Variants in ASAP2 observed in about 807,000 individuals in gnomAD.
The protein encoded by ASAP2 is ArfGAP with SH3 domain, ankyrin repeat and PH domain 2.
Under a neutral mutation model 131.4 loss-of-function variants are expected in ASAP2, and 45 were observed. The ratio of observed to expected loss-of-function variants is 0.34; its 90% CI spans 0.27 to 0.44. ASAP2 has a LOEUF of 0.44. Among genes scored for constraint, ASAP2 ranks in the 20% least tolerant of loss-of-function variants. ASAP2 has a pLI of 1.00. For synonymous variants in ASAP2, 510 were observed against 503.0 expected (o/e 1.01, Z -0.19); for missense variants, 1,011 against 1,297.0 (o/e 0.78, Z 3.39).
chr2:9,283,018 C>G (rs986624941), intron 2 of ASAP2, among the ~76,000 whole-genome samples: 11 of 152,244 alleles, frequency 7.2e-5, no homozygotes, highest in Non-Finnish European at 1.2e-4. Context: ...TTTCATCAAG[C>G]CTTAGCTCTC....
intron 16 of ASAP2, among the ~76,000 whole-genome samples, chr2:9,369,265 C>T (rs1051413404): frequency 1.7e-4 from 26 of 152,176 alleles, no homozygotes; most frequent in African/African-American, 5.3e-4. Flanking sequence ...GTGATCCACT[C>T]GCTGCAGCCT....
chr2:9,389,375 C>A lies in ASAP2; in HGVS notation c.2383+829C>A, dbSNP rs923373494. On this transcript the variant is annotated intron_variant, in intron 22 of 27. Coordinates refer to ENST00000281419, the MANE Select transcript of ASAP2 (RefSeq NM_003887.3). The surrounding 1 kb of genome is among the most constrained non-coding windows in gnomAD (Gnocchi z 4.7). ...AGTCTGCACAGAGCATGTATCCAGG[C>A]ATTGTGGCCGCTGTGAGCCGCTGAT... Among the ~76,000 whole-genome samples the A allele has an allele frequency of 1.3e-5, 2 of 152,230 alleles. No individual in the cohort carries two copies. The highest frequency in any genetic ancestry group is 2.9e-5 in the Non-Finnish European group (2 of 68,042).
intron 23 of ASAP2, 66 bp downstream of exon 23, chr2:9,391,262 C>G (rs932910970): frequency 3.2e-6 from 5 of 1,550,964 alleles, no homozygotes; most frequent in African/African-American, 1.4e-5. Flanking sequence ...GGGGGGTGCT[C>G]TCTGGAGCCA....
intron 3 of ASAP2, among the ~76,000 whole-genome samples, chr2:9,298,917 T>C (rs928456758): frequency 2.7e-4 from 41 of 152,036 alleles, no homozygotes; most frequent in African/African-American, 7.7e-4. Flanking sequence ...AAGACTGGGA[T>C]GCAGCATGCT....
At chr2:9,301,883 G>A (rs1668503488) in intron 3 of ASAP2, among the ~76,000 whole-genome samples, 1 of 145,526 alleles carries the variant, frequency 6.9e-6, no homozygotes, top group Non-Finnish European at 1.5e-5. Context: ...GAGTGCAGTG[G>A]CACAATCTCA....
intron 11 of ASAP2, among the ~76,000 whole-genome samples, chr2:9,347,575 G>A (rs919688818): frequency 6.6e-6 from 1 of 152,182 alleles, no homozygotes; most frequent in Non-Finnish European, 1.5e-5. Flanking sequence ...CCAGGAAGCT[G>A]GCAGCCTCTG....
intron 3 of ASAP2, among the ~76,000 whole-genome samples, chr2:9,307,289 A>G (rs978886422): frequency 2.0e-5 from 3 of 152,078 alleles, no homozygotes; most frequent in African/African-American, 4.8e-5. Context: ...CAGGAGCCAC[A>G]CTGAGAACCA....
intron 2 of ASAP2, among the ~76,000 whole-genome samples, chr2:9,294,869 G>A (rs1162371727): frequency 3.3e-5 from 5 of 152,260 alleles, no homozygotes; most frequent in Admixed American, 6.5e-5. Context: ...AGAAAGCAGC[G>A]AGCGAGGGAG....
chr2:9,244,766 A>G lies in ASAP2; in HGVS notation c.127-34551A>G, dbSNP rs140949927. On this transcript the variant is annotated intron_variant, in intron 1 of 27. Coordinates refer to ENST00000281419, the MANE Select transcript of ASAP2 (RefSeq NM_003887.3). ...CAGAAGTGTTTGTAGGAAGAACAGG[A>G]GATGGATTTAATGTGGATTTATTTA... Among the ~76,000 whole-genome samples, 449 of 152,338 alleles carry G rather than the reference A, an allele frequency of 2.9e-3. 1 individual carries two copies. Among genetic ancestry groups the G allele is most frequent in the Admixed American group, 5.0e-3 (77 of 15,304 alleles).
At chr2:9,375,065 T>A in intron 17 of ASAP2, 121 bp downstream of exon 17, 1 of 815,890 alleles carries the variant, frequency 1.2e-6, no homozygotes, top group Non-Finnish European at 1.8e-6. Flanking sequence ...AGCTCAGGAG[T>A]TTGAGATCAG....
intron 1 of ASAP2, among the ~76,000 whole-genome samples, chr2:9,272,233 C>T (rs1048522306): frequency 3.9e-5 from 6 of 152,274 alleles, no homozygotes; most frequent in African/African-American, 1.2e-4. Context: ...TATTGCCTGC[C>T]TTTTGCCTAT....
chr2:9,254,611 T>C (rs1457367922), intron 1 of ASAP2, among the ~76,000 whole-genome samples: 1 of 146,114 alleles, frequency 6.8e-6, no homozygotes, highest in African/African-American at 2.6e-5. Context: ...TGACCCCAAG[T>C]GATCTACCCA....
At position 9,350,905 on chromosome 2, in the gene ASAP2, C is replaced by T; in HGVS notation, c.1111+10C>T. The T allele has an allele frequency of 6.3e-7, 1 of 1,597,042 alleles. No homozygotes were observed. Among genetic ancestry groups the T allele is most frequent in the Non-Finnish European group, 8.6e-7 (1 of 1,167,548 alleles). ...TTTGACCTCATTTCACGTAAGGCTC[C>T]CTCTGAGATGCCGCGCCATAGAGAC... On this transcript the variant is annotated intron_variant, in intron 12 of 27. Coordinates refer to ENST00000281419, the MANE Select transcript of ASAP2 (RefSeq NM_003887.3).
chr2:9,297,281 C>G lies in ASAP2; in HGVS notation c.200-19C>G, dbSNP rs751553633. The G allele has an allele frequency of 1.2e-6, 2 of 1,610,426 alleles. No homozygotes were observed. The highest frequency in any genetic ancestry group is 1.7e-6 in the Non-Finnish European group (2 of 1,177,018). On this transcript the variant is annotated intron_variant, in intron 2 of 27. Transcript: ENST00000281419. The stretch of plus-strand genomic sequence containing the variant: ...GTGGCATGCCTGAGACTCACAGCAC[C>G]TCCGTCATTCTGTTGCAGCTCACGT...
At position 9,222,068 on chromosome 2, in the gene ASAP2, G is replaced by A. The variant is rs144605342; in HGVS notation, c.126+14838G>A. ...CTCCCAAAGTGCTGGGATTAGAGGC[G>A]TGAGCCACCGCGCTGGCCTATTGCT... On this transcript the variant is annotated intron_variant, in intron 1 of 27. Transcript: ENST00000281419. Among the ~76,000 whole-genome samples, 76 of 152,268 alleles carry A rather than the reference G, an allele frequency of 5.0e-4. No individual in the cohort carries two copies. The East Asian group carries it at 0.012, about 24-fold the overall frequency.
At chr2:9,319,023 T>C (rs1438730171) in intron 4 of ASAP2, among the ~76,000 whole-genome samples, 1 of 152,248 alleles carries the variant, frequency 6.6e-6, no homozygotes, top group Admixed American at 6.5e-5. Context: ...GAGCCAACTT[T>C]GTCTCTCTGT....
intron 3 of ASAP2, among the ~76,000 whole-genome samples, chr2:9,312,795 C>T (rs759434743): frequency 9.2e-5 from 14 of 152,208 alleles, no homozygotes; most frequent in Non-Finnish European, 1.8e-4. Context: ...GTACACCCCC[C>T]TCTCCTGCCA....
intron 24 of ASAP2, among the ~76,000 whole-genome samples, chr2:9,397,746 ATATATTTTTTT>A (rs1321360450): frequency 3.2e-4 from 25 of 78,802 alleles, no homozygotes; most frequent in African/African-American, 1.6e-3. Flanking sequence ...ATATATATAT[ATATATTTTTTT>A]TTTTTTTTTT....
At chr2:9,260,025 A>T (rs1394248194) in intron 1 of ASAP2, among the ~76,000 whole-genome samples, 2 of 119,694 alleles carry the variant, frequency 1.7e-5, no homozygotes, top group Non-Finnish European at 3.4e-5. Context: ...ACAAGGCCCC[A>T]GGCAGGCTGG....
Sources: gnomAD v4.1 joint callset for allele counts (sites outside exome capture counted in the v4.1 genomes callset) on GRCh38, gnomAD v4.1.1 for gene constraint, Gnocchi (gnomAD v3.1) non-coding constraint, MANE v1.5 for transcripts, NCBI Gene and HGNC (gene_info 2026-07-23, HGNC 2026-07-21) for gene names.